GRM5: variants seen among roughly 807,000 people sequenced by gnomAD.
The protein encoded by GRM5 is metabotropic glutamate receptor 5.
A neutral mutation model predicts 83.1 loss-of-function variants in GRM5; 19 were observed. The observed-to-expected ratio is 0.23, with a 90% CI of 0.16 to 0.34. The LOEUF (loss-of-function observed/expected upper bound fraction) is 0.34. GRM5 is among the 10% of genes least tolerant of loss of function. The pLI, the probability that GRM5 is intolerant of heterozygous loss-of-function variation, is 1.00. For synonymous variants in GRM5, 675 were observed against 633.6 expected (o/e 1.07, Z -0.98); for missense variants, 1,160 against 1,588.3 (o/e 0.73, Z 4.58).
At chr11:88,682,581 T>C (rs1363766458) in intron 3 of GRM5, among the ~76,000 whole-genome samples, 1 of 152,144 alleles carries the variant, frequency 6.6e-6, no homozygotes, top group Non-Finnish European at 1.5e-5. Flanking sequence ...TCTGTTTAAA[T>C]CTTGCTTTCC....
At position 88,729,245 on chromosome 11, in the gene GRM5, G is replaced by A. The variant is rs566236550; in HGVS notation, c.912-75842C>T. Reference sequence around the variant, plus strand: ...TATACACCATGAACAGACAAACAGAGAGCCAAATAATGAGGGAACTCCCAT... The same window carrying A: ...TATACACCATGAACAGACAAACAGAAAGCCAAATAATGAGGGAACTCCCAT... On this transcript the variant is annotated intron_variant, in intron 3 of 9. Coordinates refer to ENST00000305447, the MANE Select transcript of GRM5 (RefSeq NM_001143831.3). Among the ~76,000 whole-genome samples, 53 of 152,024 alleles carry A rather than the reference G, an allele frequency of 3.5e-4. 1 individual carries two copies. Among genetic ancestry groups the A allele is most frequent in the Admixed American group, 3.3e-3 (51 of 15,248 alleles).
chr11:88,978,985 C>G (rs1939435505), intron 2 of GRM5, among the ~76,000 whole-genome samples: 1 of 152,120 alleles, frequency 6.6e-6, no homozygotes, highest in South Asian at 2.1e-4. Flanking sequence ...TATCAAAATC[C>G]TTCATACACC....
intron 3 of GRM5, among the ~76,000 whole-genome samples, chr11:88,765,677 A>G (rs1353431421): frequency 6.6e-6 from 1 of 151,780 alleles, no homozygotes; most frequent in Non-Finnish European, 1.5e-5. Context: ...CTAACACCAT[A>G]TGCAAAAATT....
intron 2 of GRM5, among the ~76,000 whole-genome samples, chr11:88,892,851 G>A (rs1288008372): frequency 6.6e-6 from 1 of 151,990 alleles, no homozygotes; most frequent in Non-Finnish European, 1.5e-5. Context: ...TGCAAATTCT[G>A]CCAGGTAATG....
At chr11:88,986,986 C>T (rs1203840380) in intron 2 of GRM5, among the ~76,000 whole-genome samples, 4 of 151,644 alleles carry the variant, frequency 2.6e-5, no homozygotes, top group African/African-American at 9.7e-5. Flanking sequence ...AGATCAAGAT[C>T]ATCCTATCGG....
chr11:88,976,548 A>C (rs1450254821), intron 2 of GRM5, among the ~76,000 whole-genome samples: 3 of 19,900 alleles, frequency 1.5e-4, no homozygotes, highest in African/African-American at 1.7e-3. Flanking sequence ...GGGCTTGGCA[A>C]AAAAAAAAAA....
intron 2 of GRM5, among the ~76,000 whole-genome samples, chr11:88,961,557 G>A (rs1938784923): frequency 6.6e-6 from 1 of 151,984 alleles, no homozygotes; most frequent in East Asian, 1.9e-4. Flanking sequence ...TTTTTCCTTT[G>A]AGATCCTTCA....
At chr11:88,824,432 A>T (rs146172371) in intron 3 of GRM5, among the ~76,000 whole-genome samples, 1 of 152,194 alleles carries the variant, frequency 6.6e-6, no homozygotes, top group Non-Finnish European at 1.5e-5. Context: ...TGGCTTATTT[A>T]GAAAGCTGTA....
chr11:88,615,208 T>C (rs922502004), intron 4 of GRM5, among the ~76,000 whole-genome samples: 1 of 152,116 alleles, frequency 6.6e-6, no homozygotes, highest in Non-Finnish European at 1.5e-5. Flanking sequence ...GCCTGGTGAC[T>C]ATTTTTCCTA....
Position 88,762,009 on chromosome 11 carries a change from T to A in GRM5, c.911+87897A>T, listed in dbSNP as rs117665676. 5.7e-3 allele frequency among the ~76,000 whole-genome samples: 862 copies of A among 152,232 alleles called. 17 individuals carry two copies. In the East Asian group the frequency reaches 0.071, roughly 13 times the overall value. On this transcript the variant is annotated intron_variant, in intron 3 of 9. Transcript: ENST00000305447. ...CTAGCCATATGCAGAAGATTCAAAC[T>A]GTTCCCCTTTCTCAAGCCATATACA...
rs937055468 is a variant in GRM5 at position 88,985,022 on chromosome 11, T to C, written c.661+62190A>G. ...TTTTACTCCATTCCACTTAATCATT[T>C]ATTAAGTCCTTTGATACAGGTACAG... On this transcript the variant is annotated intron_variant, in intron 2 of 9. Coordinates refer to ENST00000305447, the MANE Select transcript of GRM5 (RefSeq NM_001143831.3). 6 of 491,886 alleles carry C rather than the reference T, an allele frequency of 1.2e-5. No homozygotes were observed. In the Admixed American group the frequency reaches 2.3e-4, roughly 19 times the overall value. 30.5% of individuals were successfully genotyped at this position (491,886 alleles called of 1,614,324 possible). A position where few individuals can be genotyped will look rare whatever the true frequency, so the allele number is the denominator to read the frequency against.
chr11:88,706,240 T>C (rs932785544), intron 3 of GRM5, among the ~76,000 whole-genome samples: 1 of 152,086 alleles, frequency 6.6e-6, no homozygotes, highest in Admixed American at 6.6e-5. Flanking sequence ...CTGTGATCTT[T>C]GAAGGTCCAG....
chr11:88,679,690 G>C (rs936861440), intron 3 of GRM5, among the ~76,000 whole-genome samples: 2 of 152,116 alleles, frequency 1.3e-5, no homozygotes, highest in Admixed American at 6.6e-5. Flanking sequence ...GAGGAAGCTA[G>C]ATTGAATTTG....
chr11:88,753,578 A>G (rs898475693), intron 3 of GRM5, among the ~76,000 whole-genome samples: 2 of 152,148 alleles, frequency 1.3e-5, no homozygotes, highest in Non-Finnish European at 2.9e-5. Flanking sequence ...CTAGGTACAT[A>G]CTCAAAGGAA....
chr11:88,686,047 C>T (rs1206329266), intron 3 of GRM5, among the ~76,000 whole-genome samples: 1 of 152,114 alleles, frequency 6.6e-6, no homozygotes, highest in Non-Finnish European at 1.5e-5. Flanking sequence ...GATCCACCGA[C>T]AGCTTGCATC....
chr11:88,687,533 T>TAC (rs1940663145), intron 3 of GRM5, among the ~76,000 whole-genome samples: 2 of 18,734 alleles, frequency 1.1e-4, no homozygotes, highest in Non-Finnish European at 3.1e-4. Context: ...CACATACATA[T>TAC]ATATACACAC....
chr11:88,872,345 T>C (rs1173655008), intron 2 of GRM5, among the ~76,000 whole-genome samples: 1 of 151,610 alleles, frequency 6.6e-6, no homozygotes, highest in Admixed American at 6.6e-5. Flanking sequence ...AAATTAGTAA[T>C]CATTTAAATT....
chr11:88,885,976 A>G (rs1269622373), intron 2 of GRM5, among the ~76,000 whole-genome samples: 1 of 152,140 alleles, frequency 6.6e-6, no homozygotes, highest in Non-Finnish European at 1.5e-5. Flanking sequence ...ATCAACTGGA[A>G]AGCCTATTTG....
intron 2 of GRM5, among the ~76,000 whole-genome samples, chr11:88,880,596 T>A (rs376526256): frequency 7.1e-4 from 108 of 152,292 alleles, no homozygotes; most frequent in Middle Eastern, 3.4e-3. Context: ...TAAAGTTATT[T>A]CTGAGCAAGA....
Sources: allele counts gnomAD v4.1 joint callset (sites outside exome capture counted in the v4.1 genomes callset), GRCh38; gene constraint gnomAD v4.1.1; transcripts MANE v1.5; gene names NCBI Gene and HGNC (gene_info 2026-07-23, HGNC 2026-07-21).